DAP: variants seen among roughly 807,000 people sequenced by gnomAD.
DAP encodes death-associated protein 1.
DAP carries 8 observed loss-of-function variants against 13.8 expected under a neutral mutation model. The observed-to-expected ratio is 0.58, with a 90% confidence interval of 0.34 to 1.05. The LOEUF is 1.05. DAP is among the 50% of genes least tolerant of loss of function. The pLI, the probability that DAP is intolerant of heterozygous loss-of-function variation, is 0.03. For synonymous variants in DAP, 47 were observed against 47.5 expected, an observed-to-expected ratio of 0.99 and a Z score of 0.04; for missense variants, 106 against 133.2, an observed-to-expected ratio of 0.80 and a Z score of 1.01.
At chr5:10,753,193 G>A (rs372433811) in intron 1 of DAP, among the ~76,000 whole-genome samples, 2 of 152,316 alleles carry the variant, frequency 1.3e-5, no homozygotes, top group South Asian at 2.1e-4. Flanking sequence ...TGGAGTCCAC[G>A]CATCTTTCAC....
chr5:10,756,744 A>C (rs267932), intron 1 of DAP, among the ~76,000 whole-genome samples: 141,226 of 152,248 alleles, frequency 0.93, 65,846 homozygotes, highest in Non-Finnish European at 0.97. Context: ...GAGATTTTAC[A>C]CATCTCACTG....
At chr5:10,733,887 A>G (rs961521188) in intron 2 of DAP, 6 of 152,376 alleles carry the variant, frequency 3.9e-5, no homozygotes, top group African/African-American at 9.6e-5. Flanking sequence ...TGAAGTCAAC[A>G]GGGCTTATCT....
At chr5:10,757,731 G>A (rs1368685774) in intron 1 of DAP, among the ~76,000 whole-genome samples, 1 of 152,138 alleles carries the variant, frequency 6.6e-6, no homozygotes, top group Non-Finnish European at 1.5e-5. Flanking sequence ...TGCCTGAACC[G>A]GCCAAGAGGA....
At chr5:10,683,752 T>C (rs1738090855) in intron 2 of DAP, among the ~76,000 whole-genome samples, 181 bp from the exon 3 acceptor site, 1 of 152,146 alleles carries the variant, frequency 6.6e-6, no homozygotes, top group Non-Finnish European at 1.5e-5. Flanking sequence ...AGCCTCCTTC[T>C]CCTGAGGCTA....
chr5:10,751,411 T>C (rs1740042817), intron 1 of DAP, among the ~76,000 whole-genome samples: 1 of 152,194 alleles, frequency 6.6e-6, no homozygotes, highest in South Asian at 2.1e-4. Context: ...AGGGTCATTT[T>C]CCACTCTCTT....
At chr5:10,699,580 C>T (rs1294234994) in intron 2 of DAP, among the ~76,000 whole-genome samples, 3 of 152,182 alleles carry the variant, frequency 2.0e-5, no homozygotes, top group African/African-American at 7.2e-5. Context: ...TCTGTGGCAA[C>T]CCCATGAAAA....
At chr5:10,759,545 C>T (rs957642343) in intron 1 of DAP, among the ~76,000 whole-genome samples, 1 of 152,148 alleles carries the variant, frequency 6.6e-6, no homozygotes, top group African/African-American at 2.4e-5. Context: ...AAACCCCATG[C>T]CTCTTAAGTT....
At chr5:10,735,181 T>A (rs75663397) in intron 2 of DAP, among the ~76,000 whole-genome samples, 2 of 138,912 alleles carry the variant, frequency 1.4e-5, no homozygotes, top group Non-Finnish European at 3.2e-5. Context: ...TTAAAAAAAA[T>A]TCCTGAAAAA....
rs148771553 is a variant in DAP, at chr5:10,752,441, C to T, written c.56-4170G>A. Reference sequence around the variant, plus strand: ...AACTACAAAAGAAGAATTACTTTTGCAGAAATCTTTGCAGAATTATTTGCA... The same window carrying T: ...AACTACAAAAGAAGAATTACTTTTGTAGAAATCTTTGCAGAATTATTTGCA... On this transcript the variant is annotated intron_variant, in intron 1 of 3. Coordinates refer to ENST00000230895, the MANE Select transcript of DAP (RefSeq NM_004394.3). Among the ~76,000 whole-genome samples the T allele has an allele frequency of 5.4e-3, 819 of 152,278 alleles. 4 individuals are homozygous for T. The highest frequency in any genetic ancestry group is 0.018 in the African/African-American group (757 of 41,558).
rs1199947263 is a variant in DAP at position 10,687,905 on chromosome 5, C to CTTTT, written c.153-4338_153-4335dup. On this transcript the variant is annotated intron_variant, in intron 2 of 3. Coordinates refer to ENST00000230895, the MANE Select transcript of DAP (RefSeq NM_004394.3). ...TCTATGTCACAAACTTCATTGTTGT[C>CTTTT]TTTTTTTTTTTTTTTTTTTTTTTAC... Among the ~76,000 whole-genome samples the CTTTT allele has an allele frequency of 8.4e-3, 924 of 110,616 alleles. 31 individuals carry two copies. Among genetic ancestry groups the CTTTT allele is most frequent in the African/African-American group, 0.029 (766 of 25,996 alleles). The allele number at this position is 110,616 out of a possible 152,430, so 72.6% of individuals were successfully genotyped here.
intron 2 of DAP, among the ~76,000 whole-genome samples, chr5:10,691,296 TTCA>T (rs1422115903): frequency 2.0e-5 from 3 of 152,274 alleles, no homozygotes; most frequent in Non-Finnish European, 2.9e-5. Flanking sequence ...GTTGAAGGTT[TTCA>T]TCAAGTTTGG....
At position 10,707,898 on chromosome 5, in the gene DAP, C is replaced by A. The variant is rs1738738312; in HGVS notation, c.153-24327G>T. 6.6e-6 allele frequency among the ~76,000 whole-genome samples: 1 copy of A among 152,162 alleles called. No individual in the cohort carries two copies. Among genetic ancestry groups the A allele is most frequent in the Admixed American group, 6.5e-5 (1 of 15,282 alleles). The stretch of plus-strand genomic sequence containing the variant: ...TGAATCACATTAATTTGGTGCCTCA[C>A]CCCATGCTGTCGCTACCTCCAAGTG... On this transcript the variant is annotated intron_variant, in intron 2 of 3. Transcript: ENST00000230895. The surrounding 1 kb of genome is among the most constrained non-coding windows in gnomAD (Gnocchi z 4.0).
chr5:10,737,565 A>C (rs1166197594), intron 2 of DAP, among the ~76,000 whole-genome samples: 1 of 152,204 alleles, frequency 6.6e-6, no homozygotes, highest in Non-Finnish European at 1.5e-5. Flanking sequence ...CAAACGGCTT[A>C]AAGTTCAAAC....
chr5:10,685,516 G>T (rs900958645), intron 2 of DAP, among the ~76,000 whole-genome samples: 3 of 152,180 alleles, frequency 2.0e-5, no homozygotes, highest in Admixed American at 6.5e-5. Flanking sequence ...TTTTAGAAAA[G>T]ATTTGGAAAG....
At chr5:10,758,092 A>T (rs1054998071) in intron 1 of DAP, among the ~76,000 whole-genome samples, 8 of 152,196 alleles carry the variant, frequency 5.3e-5, no homozygotes, top group African/African-American at 1.9e-4. Flanking sequence ...CAAGTCTGTT[A>T]TCCAATTTAA....
At chr5:10,750,984 T>C (rs1049548792) in intron 1 of DAP, among the ~76,000 whole-genome samples, 3 of 152,248 alleles carry the variant, frequency 2.0e-5, no homozygotes, top group Non-Finnish European at 2.9e-5. Context: ...TGAACTCATG[T>C]AAAAGCAAGC....
At chr5:10,744,508 A>G (rs921057623) in intron 2 of DAP, among the ~76,000 whole-genome samples, 6 of 152,180 alleles carry the variant, frequency 3.9e-5, no homozygotes, top group Non-Finnish European at 7.3e-5. Flanking sequence ...GGGTTTGAGG[A>G]GCGCAGACAA....
Position 10,680,984 on chromosome 5 carries a change from TGG to T in DAP, c.*70_*71del. 1 of 1,548,872 alleles carries T rather than the reference TGG, an allele frequency of 6.5e-7. No homozygotes were observed. Among genetic ancestry groups the T allele is most frequent in the Non-Finnish European group, 8.7e-7 (1 of 1,147,456 alleles). On this transcript the variant is annotated 3_prime_UTR_variant, in exon 4 of 4. Transcript: ENST00000230895. ...CAGAGTAGGATTTGGGCGAAACTGC[TGG>T]TTCTCTCTGTCAGGGAAATACCAAG...
intron 2 of DAP, among the ~76,000 whole-genome samples, chr5:10,716,004 C>A (rs1178732395): frequency 6.6e-6 from 1 of 152,234 alleles, no homozygotes; most frequent in Non-Finnish European, 1.5e-5. Context: ...CAACCCAGGG[C>A]TGCTTTCATT....
Sources: allele counts gnomAD v4.1 joint callset (sites outside exome capture counted in the v4.1 genomes callset), GRCh38; gene constraint gnomAD v4.1.1; non-coding constraint Gnocchi (gnomAD v3.1); transcripts MANE v1.5; gene names NCBI Gene and HGNC (gene_info 2026-07-23, HGNC 2026-07-21).